Variants in UGT2A1 observed in about 807,000 individuals in gnomAD.
The protein encoded by UGT2A1 is UDP glucuronosyltransferase family 2 member A1 complex locus, also known as UDP-glucuronosyltransferase 2A1.
Under a neutral mutation model 45.4 loss-of-function variants are expected in UGT2A1, and 61 were observed. The ratio of observed to expected loss-of-function variants is 1.34; its 90% CI spans 1.09 to 1.66. UGT2A1 has a LOEUF of 1.66. Ranked by LOEUF, UGT2A1 falls within the 40% of genes most tolerant of loss-of-function variation. UGT2A1 has a pLI of 0.00. For missense variants in UGT2A1, 649 were observed against 574.3 expected (o/e 1.13, Z -1.33); for synonymous variants, 229 against 196.2 (o/e 1.17, Z -1.40).
chr4:69,638,230 A>G (rs1243031150), intron 2 of UGT2A1, among the ~76,000 whole-genome samples: 2 of 152,280 alleles, frequency 1.3e-5, no homozygotes, highest in East Asian at 1.9e-4. Flanking sequence ...AGAAGGAAAT[A>G]AAAATATAAA....
chr4:69,598,502 TA>T (rs1719066320), intron 4 of UGT2A1, among the ~76,000 whole-genome samples: 1 of 152,156 alleles, frequency 6.6e-6, no homozygotes, highest in African/African-American at 2.4e-5. Context: ...AACCTGACAC[TA>T]TATTTATAAA....
rs573876768 is a variant in UGT2A1, at chr4:69,621,278, C to G, written c.847+14413G>C. On this transcript the variant is annotated intron_variant, in intron 3 of 6. Transcript: ENST00000286604. ...ACAAAGATCTAATATCCAGTATTTA[C>G]AGGGAATTTAAACAAACTTACAAGA... is the stretch of plus-strand genomic sequence containing the variant. 2.6e-5 allele frequency among the ~76,000 whole-genome samples: 4 copies of G among 151,992 alleles called. No individual in the cohort carries two copies. The East Asian group carries it at 7.7e-4, about 29-fold the overall frequency.
Position 69,595,142 on chromosome 4 carries a change from T to C in UGT2A1, c.1084+20A>G, listed in dbSNP as rs779288961. On this transcript the variant is annotated intron_variant, in intron 5 of 6. Transcript: ENST00000286604. ...TGTCTATTGTCCCACTGTACAGCTT[T>C]TCTTTCCCCACAGTCTTACCAAGAA... The C allele has an allele frequency of 2.5e-6, 4 of 1,613,538 alleles. No individual in the cohort carries two copies.
chr4:69,618,213 G>T (rs56879789), intron 3 of UGT2A1, among the ~76,000 whole-genome samples: 2,874 of 98,074 alleles, frequency 0.029, 75 homozygotes, highest in African/African-American at 0.087. Flanking sequence ...GTGTGTGTGT[G>T]TGTATGTTTG....
rs150970095 is a variant in UGT2A1, at chr4:69,594,666, T to C, written c.1115A>G (p.His372Arg). The C allele has an allele frequency of 7.5e-5, 121 of 1,613,892 alleles. No individual in the cohort carries two copies. In the African/African-American group the frequency reaches 1.4e-3, roughly 19 times the overall value. Reference sequence around the variant, plus strand: ...TTCGTAGATCCCATTAGTTCCACCATGAGTGATAAAAGCTTTGGTTTTGGG... The same window carrying C: ...TTCGTAGATCCCATTAGTTCCACCACGAGTGATAAAAGCTTTGGTTTTGGG... The part of the protein sequence containing the change: ...GHPKTKAFIT[H>R]GGTNGIYEAI... The change falls in exon 6 of 7, where the codon CAT (histidine) becomes CGT (arginine). Residue 372 changes from histidine to arginine, a missense_variant. His to Arg is a conservative substitution (Grantham distance 29). Transcript: ENST00000286604.
chr4:69,599,385 G>C lies in UGT2A1; in HGVS notation c.857C>G (p.Thr286Ser). The C allele has an allele frequency of 6.2e-7, 1 of 1,613,212 alleles. No individual in the cohort carries two copies. Among genetic ancestry groups the C allele is most frequent in the Middle Eastern group, 1.7e-4 (1 of 6,058 alleles). ...WDYRLPAGRP[T>S]TLCETMGKAE... ...TTTCCCCATAGTCTCACATAACGTA[G>C]TGGGTCTTCCTGGAGAAAATGTAAC... The change falls in exon 4 of 7, where the codon ACT becomes AGT. Residue 286 changes from threonine to serine, a missense_variant. By Grantham distance (58) the Thr-to-Ser change is moderately conservative (BLOSUM62 1). Transcript: ENST00000286604.
intron 5 of UGT2A1, 111 bp from the exon 6 acceptor site, chr4:69,594,807 T>C (rs975881065): frequency 7.5e-7 from 1 of 1,325,194 alleles, no homozygotes; most frequent in Admixed American, 2.6e-5. Context: ...GAAGGATACG[T>C]TTTCTACAAA....
At chr4:69,641,051 A>T (rs963342628) in intron 2 of UGT2A1, among the ~76,000 whole-genome samples, 11 of 151,928 alleles carry the variant, frequency 7.2e-5, no homozygotes, top group Admixed American at 3.3e-4. Flanking sequence ...ATTGAGTTAC[A>T]TGTAAGAAAA....
At chr4:69,632,574 T>C (rs186120251) in intron 3 of UGT2A1, among the ~76,000 whole-genome samples, 288 of 152,162 alleles carry the variant, frequency 1.9e-3, no homozygotes, top group African/African-American at 6.6e-3. Flanking sequence ...ATGGAAATCA[T>C]CCTTAGTGAA....
intron 2 of UGT2A1, 39 bp downstream of exon 2, chr4:69,646,891 G>T: frequency 3.5e-6 from 5 of 1,424,796 alleles, no homozygotes; most frequent in Non-Finnish European, 3.8e-6. Flanking sequence ...AGGTCTGTTT[G>T]TTCAAATTCA....
In UGT2A1 at chr4:69,589,264, G is replaced by T; in HGVS notation, c.*108C>A. ...AGAGAAATAGAAAATTTGGAAACAG[G>T]ATGGGAGACGTGTTTTTGTTAAACT... is the stretch of plus-strand genomic sequence containing the variant. On this transcript the variant is annotated 3_prime_UTR_variant, in exon 7 of 7. Transcript: ENST00000286604. The T allele has an allele frequency of 7.4e-7, 1 of 1,347,554 alleles. No homozygotes were observed. The highest frequency in any genetic ancestry group is 2.5e-5 in the East Asian group (1 of 39,336). The allele number at this position is 1,347,554 out of a possible 1,614,324, so 83.5% of individuals were successfully genotyped here.
intron 3 of UGT2A1, among the ~76,000 whole-genome samples, chr4:69,604,998 G>A (rs62306497): frequency 0.19 from 24,998 of 135,058 alleles, 6,068 homozygotes; most frequent in Non-Finnish European, 0.22. Flanking sequence ...CACTGTCAAC[G>A]TTAGACAGAT....
intron 3 of UGT2A1, among the ~76,000 whole-genome samples, chr4:69,624,488 A>G (rs376125383): frequency 1.5e-4 from 22 of 151,256 alleles, no homozygotes; most frequent in African/African-American, 4.8e-4. Flanking sequence ...TTGAGTTGGG[A>G]TTTATCATTT....
intron 2 of UGT2A1, among the ~76,000 whole-genome samples, chr4:69,640,727 A>G (rs1477072672): frequency 6.6e-6 from 1 of 151,936 alleles, no homozygotes; most frequent in Non-Finnish European, 1.5e-5. Context: ...AAGAACTGGG[A>G]GGACAGAGAA....
chr4:69,646,348 A>G (rs142932157), intron 2 of UGT2A1, among the ~76,000 whole-genome samples: 1 of 152,014 alleles, frequency 6.6e-6, no homozygotes, highest in African/African-American at 2.4e-5. Context: ...TGTATTCATC[A>G]GGTAAACACC....
Position 69,635,687 on chromosome 4 carries a change from T to C in UGT2A1, c.847+4A>G. ...TCTATTAAAAATACAAAAATTAGCC[T>C]GACCTGCTGGCAGCCTGTAATCCCA... On this transcript the variant is annotated splice_donor_region_variant and intron_variant, in intron 3 of 6. Transcript: ENST00000286604. 2 of 279,838 alleles carry C rather than the reference T, an allele frequency of 7.1e-6. No individual in the cohort carries two copies. Among genetic ancestry groups the C allele is most frequent in the Non-Finnish European group, 1.4e-5 (2 of 140,116 alleles). 17.3% of individuals were successfully genotyped at this position (279,838 alleles called of 1,614,324 possible).
In UGT2A1 at chr4:69,589,420, A is replaced by G. The variant is rs769256426; in HGVS notation, c.1536T>C (p.Phe512=). The change falls in exon 7 of 7, where the codon TTT becomes TTC. Residue 512 remains phenylalanine (F), a synonymous_variant. Coordinates refer to ENST00000286604, the MANE Select transcript of UGT2A1 (RefSeq NM_001252275.3). ...CTATCTTACCAAATTTTTGACAGGA[A>G]AACAAACAACATTGTATGACCAAAA... ...AIFLVIQCCL[F]SCQKFGKIGK... 6.2e-7 allele frequency: 1 copy of G among 1,613,844 alleles called. No homozygotes were observed. Among genetic ancestry groups the G allele is most frequent in the Non-Finnish European group, 8.5e-7 (1 of 1,179,826 alleles).
chr4:69,605,567 A>G (rs1210341733), intron 3 of UGT2A1, among the ~76,000 whole-genome samples: 3 of 136,858 alleles, frequency 2.2e-5, no homozygotes, highest in African/African-American at 8.9e-5. Flanking sequence ...AGAAAAAACT[A>G]AGATCAGAGC....
rs1268625146 is a variant in UGT2A1 at position 69,602,794 on chromosome 4, T to A, written c.848-3400A>T. ...TGTTCACAGATAAGAAGATCAAAAT[T>A]CATAAAGATGTCCATTCTCTAAAAT... is the stretch of plus-strand genomic sequence containing the variant. On this transcript the variant is annotated intron_variant, in intron 3 of 6. Coordinates refer to ENST00000286604, the MANE Select transcript of UGT2A1 (RefSeq NM_001252275.3). Among the ~76,000 whole-genome samples, 4 of 137,100 alleles carry A rather than the reference T, an allele frequency of 2.9e-5. 1 individual carries two copies. Among genetic ancestry groups the A allele is most frequent in the African/African-American group, 1.2e-4 (4 of 34,000 alleles). 89.9% of individuals were successfully genotyped at this position (137,100 alleles called of 152,430 possible).
Sources: gnomAD v4.1 joint callset for allele counts (sites outside exome capture counted in the v4.1 genomes callset) on GRCh38, gnomAD v4.1.1 for gene constraint, MANE v1.5 for transcripts, NCBI Gene and HGNC (gene_info 2026-07-23, HGNC 2026-07-21) for gene names.